ZNF618: variants seen among roughly 807,000 people sequenced by gnomAD.
The protein encoded by ZNF618 is neural precursor cell expressed, developmentally down-regulated 10.
Under a neutral mutation model 103.0 loss-of-function variants are expected in ZNF618, and 34 were observed. The observed-to-expected ratio is 0.33, with a 90% confidence interval of 0.25 to 0.44. The LOEUF (loss-of-function observed/expected upper bound fraction) is 0.44. Among genes scored for constraint, ZNF618 ranks in the 20% least tolerant of loss-of-function variants. The pLI, the probability that ZNF618 is intolerant of heterozygous loss-of-function variation, is 1.00. For synonymous variants in ZNF618, 551 were observed against 542.2 expected, an observed-to-expected ratio of 1.02 and a Z score of -0.23; for missense variants, 1,059 against 1,295.4, an observed-to-expected ratio of 0.82 and a Z score of 2.80.
chr9:114,005,376 CGAA>C (rs1242086103), intron 6 of ZNF618, among the ~76,000 whole-genome samples: 1 of 152,072 alleles, frequency 6.6e-6, no homozygotes, highest in Non-Finnish European at 1.5e-5. Context: ...TCCTGACTGA[CGAA>C]GACCTGGGAG....
chr9:113,952,079 G>A (rs1390272033), intron 1 of ZNF618, among the ~76,000 whole-genome samples: 5 of 151,994 alleles, frequency 3.3e-5, no homozygotes, highest in Non-Finnish European at 5.9e-5. Context: ...TCCATTAACT[G>A]TTTTTTCTTT....
intron 1 of ZNF618, among the ~76,000 whole-genome samples, chr9:113,951,395 A>G (rs533199977): frequency 1.1e-4 from 6 of 55,450 alleles, no homozygotes; most frequent in South Asian, 9.3e-4. Context: ...TTTTTCCTAT[A>G]TATATACGTA....
At chr9:113,988,767 G>C (rs1047062597) in intron 3 of ZNF618, among the ~76,000 whole-genome samples, 187 bp downstream of exon 3, 9 of 152,216 alleles carry the variant, frequency 5.9e-5, no homozygotes, top group African/African-American at 2.2e-4. Context: ...TTTCCGGCTG[G>C]AGAGCGCTTC....
At position 114,050,102 on chromosome 9, in the gene ZNF618, C is replaced by T. The variant is rs368750835; in HGVS notation, c.2800C>T (p.Arg934Trp). 35 of 1,608,812 alleles carry T rather than the reference C, an allele frequency of 2.2e-5. No homozygotes were observed. Among genetic ancestry groups the T allele is most frequent in the East Asian group, 6.7e-5 (3 of 44,812 alleles). The change falls in exon 15 of 15, where the codon CGG (arginine) becomes TGG (tryptophan). Residue 934 changes from arginine to tryptophan, a missense_variant. Physicochemically the swap from Arg to Trp is moderately radical, Grantham distance 101. Around this residue, in one of 6 missense-constraint regions of ZNF618, gnomAD observed 156 missense variants for 197.1 expected, o/e 0.79. Coordinates refer to ENST00000374126, the MANE Select transcript of ZNF618 (RefSeq NM_001318042.2). Reference protein sequence around the residue: ...NMCEQALLIKRRRLLSPEDMN... With the variant: ...NMCEQALLIKWRRLLSPEDMN... ...GTGTGAACAAGCGCTTCTAATCAAA[C>T]GGAGGCGGCTGCTCAGTCCAGAAGA...
chr9:114,049,825 C>G lies in ZNF618; in HGVS notation c.2523C>G (p.Ala841=). The change falls in exon 15 of 15, where the codon GCC becomes GCG. Residue 841 remains alanine, a synonymous_variant. Transcript: ENST00000374126. ...TCAACGAGGTGAAGGAGTCCTGGGC[C>G]GAGGAGGCCGACTTCGAGCCCGCTG... The part of the protein sequence containing the change: ...ELINEVKESW[A]EEADFEPAAK... 6.2e-7 allele frequency: 1 copy of G among 1,613,930 alleles called. No homozygotes were observed.
intron 1 of ZNF618, among the ~76,000 whole-genome samples, chr9:113,918,609 T>G (rs536077471): frequency 1.2e-4 from 19 of 152,342 alleles, no homozygotes; most frequent in Admixed American, 3.9e-4. Flanking sequence ...CAATTTAGAC[T>G]GCTGGATGTC....
chr9:114,028,404 A>G, intron 10 of ZNF618: 1 of 286,794 alleles, frequency 3.5e-6, no homozygotes, highest in Admixed American at 4.7e-5. Context: ...AGAAACCAAC[A>G]TTCTAGAAGA....
rs570863365 is a variant in ZNF618 at position 114,026,133 on chromosome 9, A to G, written c.845-2600A>G. On this transcript the variant is annotated intron_variant, in intron 10 of 14. Transcript: ENST00000374126. ...CTCCCTAAGGAAGAGATTTTTAAGT[A>G]CAGTGTGTAGGACCAACAGTCAAAA... Among the ~76,000 whole-genome samples, 129 of 152,342 alleles carry G rather than the reference A, an allele frequency of 8.5e-4. 1 individual carries two copies. Among genetic ancestry groups the G allele is most frequent in the Middle Eastern group, 6.8e-3 (2 of 294 alleles).
chr9:113,881,971 C>T (rs907917463), intron 1 of ZNF618, among the ~76,000 whole-genome samples: 5 of 152,106 alleles, frequency 3.3e-5, no homozygotes, highest in Admixed American at 6.6e-5. Context: ...AGTGTGAGTC[C>T]GGGAGGCTGT....
chr9:113,881,077 A>T (rs553845733), intron 1 of ZNF618, among the ~76,000 whole-genome samples: 1 of 152,188 alleles, frequency 6.6e-6, no homozygotes, highest in Non-Finnish European at 1.5e-5. Flanking sequence ...GGAAAGGCAG[A>T]TACAAGTTTG....
chr9:113,908,034 G>A (rs1053828944), intron 1 of ZNF618, among the ~76,000 whole-genome samples: 2 of 152,098 alleles, frequency 1.3e-5, no homozygotes, highest in South Asian at 4.2e-4. Context: ...TAAAAACAAG[G>A]ATGACGCACA....
At chr9:113,920,529 G>A (rs146525128) in intron 1 of ZNF618, among the ~76,000 whole-genome samples, 2,649 of 151,582 alleles carry the variant, frequency 0.017, 28 homozygotes, top group Non-Finnish European at 0.029. Context: ...GGCCTCCCAC[G>A]TAGCTGGGAT....
chr9:113,882,400 T>A (rs1199434810), intron 1 of ZNF618, among the ~76,000 whole-genome samples: 2 of 151,798 alleles, frequency 1.3e-5, no homozygotes. Context: ...AATGAAGGGG[T>A]CACATGTGGA....
chr9:114,012,925 A>G (rs1488573747), intron 9 of ZNF618, among the ~76,000 whole-genome samples: 1 of 152,142 alleles, frequency 6.6e-6, no homozygotes, highest in African/African-American at 2.4e-5. Flanking sequence ...ATCATCATGT[A>G]TCAGATAGAT....
chr9:113,951,250 T>C (rs1220491317), intron 1 of ZNF618, among the ~76,000 whole-genome samples: 3 of 149,890 alleles, frequency 2.0e-5, no homozygotes, highest in African/African-American at 7.4e-5. Flanking sequence ...AAAGGGAGGG[T>C]ATTTATATTT....
intron 2 of ZNF618, among the ~76,000 whole-genome samples, chr9:113,974,494 C>G (rs1838301507): frequency 6.6e-6 from 1 of 152,202 alleles, no homozygotes; most frequent in Admixed American, 6.5e-5. Context: ...AAGGATCATT[C>G]TGGCTGCCAG....
At chr9:113,998,815 T>A (rs1840884111) in intron 4 of ZNF618, among the ~76,000 whole-genome samples, 1 of 152,234 alleles carries the variant, frequency 6.6e-6, no homozygotes, top group African/African-American at 2.4e-5. Flanking sequence ...GCCATGGTCC[T>A]CTTTTTGCTG....
intron 1 of ZNF618, among the ~76,000 whole-genome samples, chr9:113,949,201 G>A (rs1312968475): frequency 1.3e-5 from 2 of 152,238 alleles, no homozygotes; most frequent in African/African-American, 2.4e-5. Context: ...CTTCCACATG[G>A]AGGTGGCTGC....
chr9:114,023,507 A>G (rs1048138162), intron 10 of ZNF618, among the ~76,000 whole-genome samples: 2 of 152,184 alleles, frequency 1.3e-5, no homozygotes, highest in African/African-American at 2.4e-5. Context: ...AATTTGTTAA[A>G]GTAACTGAGA....
Sources: gnomAD v4.1 joint callset for allele counts (sites outside exome capture counted in the v4.1 genomes callset) on GRCh38, gnomAD v4.1.1 for gene constraint, gnomAD v4.1.1 regional missense constraint, MANE v1.5 for transcripts, NCBI Gene and HGNC (gene_info 2026-07-23, HGNC 2026-07-21) for gene names.